The following YEATS2 variants were observed in gnomAD, a reference collection of about 807,000 sequenced individuals.
The protein encoded by YEATS2 is YEATS domain-containing protein 2.
Under a neutral mutation model 163.2 loss-of-function variants are expected in YEATS2, and 77 were observed. That is an observed-to-expected ratio of 0.47 (90% confidence interval 0.39 to 0.57). The LOEUF (loss-of-function observed/expected upper bound fraction) is 0.57, where lower values mean the gene tolerates loss of function less well. Ranked by LOEUF, YEATS2 falls within the 20% of genes least tolerant of loss-of-function variation. The pLI is 0.00. For synonymous variants in YEATS2, 631 were observed against 645.1 expected, an observed-to-expected ratio of 0.98 and a Z score of 0.33; for missense variants, 1,549 against 1,729.8, an observed-to-expected ratio of 0.90 and a Z score of 1.85.
chr3:183,793,716 G>A (rs1237873706), intron 21 of YEATS2, among the ~76,000 whole-genome samples: 1 of 147,596 alleles, frequency 6.8e-6, no homozygotes, highest in Non-Finnish European at 1.5e-5. Flanking sequence ...GAGTTCCAGC[G>A]ATTCTCCTGC....
chr3:183,804,286 G>T, intron 27 of YEATS2, 98 bp downstream of exon 27: 1 of 1,447,180 alleles, frequency 6.9e-7, no homozygotes, highest in Non-Finnish European at 9.4e-7. Flanking sequence ...TGTAGAGAAC[G>T]AGAGCCTTTC....
chr3:183,771,542 C>T (rs1442238523), intron 15 of YEATS2, among the ~76,000 whole-genome samples: 18 of 60,786 alleles, frequency 3.0e-4, no homozygotes, highest in African/African-American at 8.7e-4. Flanking sequence ...ATTATTCTTG[C>T]CTTTTTTTTT....
intron 8 of YEATS2, among the ~76,000 whole-genome samples, chr3:183,743,957 C>T (rs1357109481): frequency 6.6e-6 from 1 of 152,064 alleles, no homozygotes; most frequent in African/African-American, 2.4e-5. Context: ...TAACCTGCGG[C>T]TTAAGTTATT....
chr3:183,773,595 C>A, intron 16 of YEATS2, 38 bp from the exon 17 acceptor site: 1 of 1,549,778 alleles, frequency 6.5e-7, no homozygotes, highest in Admixed American at 2.1e-5. Context: ...CCCTTAGTTT[C>A]AATTTATCTT....
intron 20 of YEATS2, among the ~76,000 whole-genome samples, chr3:183,787,773 G>A (rs145829258): frequency 2.6e-4 from 40 of 152,068 alleles, no homozygotes; most frequent in African/African-American, 7.2e-4. Flanking sequence ...CGAGAAGGGC[G>A]GATCACGAGG....
intron 7 of YEATS2, among the ~76,000 whole-genome samples, chr3:183,734,498 A>G (rs978443184): frequency 7.2e-5 from 11 of 152,238 alleles, no homozygotes. Context: ...GTAGGAATGC[A>G]GTGTTTGCTG....
chr3:183,777,566 T>C lies in YEATS2; in HGVS notation c.2602T>C (p.Ser868Pro). 1 of 1,612,628 alleles carries C rather than the reference T, an allele frequency of 6.2e-7. No individual in the cohort carries two copies. Among genetic ancestry groups the C allele is most frequent in the East Asian group, 2.2e-5 (1 of 44,866 alleles). The change falls in exon 19 of 31, where the codon TCA becomes CCA. Residue 868 changes from serine (S) to proline (P), a missense_variant. By Grantham distance (74) the Ser-to-Pro change is moderately conservative (BLOSUM62 -1). Transcript: ENST00000305135. Reference protein sequence around the residue: ...PQGTFLVGQPSPQTSGKQLTT... With the variant: ...PQGTFLVGQPPPQTSGKQLTT... ...GGGCACATTTTTAGTTGGCCAGCCA[T>C]CACCCCAGACTTCTGGAAAACAACT...
intron 29 of YEATS2, 135 bp downstream of exon 29, chr3:183,808,239 CTT>C (rs1202965093): frequency 4.3e-6 from 3 of 698,792 alleles, no homozygotes; most frequent in East Asian, 3.0e-5. Context: ...TAAGTTCTCT[CTT>C]TTTGTTTTTT....
chr3:183,713,557 C>T (rs892110128), intron 1 of YEATS2, among the ~76,000 whole-genome samples: 1 of 152,080 alleles, frequency 6.6e-6, no homozygotes, highest in Non-Finnish European at 1.5e-5. Flanking sequence ...AGTGAGACTC[C>T]GTCTCAATCA....
intron 1 of YEATS2, among the ~76,000 whole-genome samples, chr3:183,700,169 A>G (rs1333210923): frequency 2.6e-5 from 4 of 152,188 alleles, no homozygotes. Context: ...AAAAATAGGT[A>G]GCTTGACATA....
At position 183,718,507 on chromosome 3, in the gene YEATS2, T is replaced by C; in HGVS notation, c.206T>C (p.Ile69Thr). The change falls in exon 4 of 31, where the codon ATT (isoleucine) becomes ACT (threonine). Residue 69 changes from isoleucine (I) to threonine (T), a missense_variant. Transcript: ENST00000305135. ...GTTAACATTTGTTTTTAGCGACTGA[T>C]TGAAGCAAGAAGGATGATGGATAAA... is the stretch of plus-strand genomic sequence containing the variant. The part of the protein sequence containing the change: ...HEIEVIDQRL[I>T]EARRMMDKLR... The C allele has an allele frequency of 6.2e-7, 1 of 1,611,696 alleles. No individual in the cohort carries two copies. The highest frequency in any genetic ancestry group is 8.5e-7 in the Non-Finnish European group (1 of 1,179,276).
chr3:183,772,236 C>G (rs537229322), intron 15 of YEATS2, 69 bp from the exon 16 acceptor site: 2 of 1,596,262 alleles, frequency 1.3e-6, no homozygotes, highest in East Asian at 2.2e-5. Context: ...GTTTTGCTCT[C>G]TGCCAAAACG....
chr3:183,714,694 T>C (rs905964633), intron 1 of YEATS2, among the ~76,000 whole-genome samples: 1 of 152,238 alleles, frequency 6.6e-6, no homozygotes, highest in African/African-American at 2.4e-5. Context: ...CCTTTAACTA[T>C]GTTGCTTATA....
At chr3:183,711,280 C>A (rs1176323492) in intron 1 of YEATS2, among the ~76,000 whole-genome samples, 1 of 151,752 alleles carries the variant, frequency 6.6e-6, no homozygotes, top group Non-Finnish European at 1.5e-5. Context: ...ACCATCCTGG[C>A]TAACACAGTA....
chr3:183,806,057 T>A (rs1453674916), intron 27 of YEATS2: 2 of 349,162 alleles, frequency 5.7e-6, no homozygotes, highest in East Asian at 1.5e-4. Flanking sequence ...CCTACAATGG[T>A]TTGACCTGTG....
intron 19 of YEATS2, among the ~76,000 whole-genome samples, chr3:183,783,359 A>G (rs1309690853): frequency 1.3e-5 from 2 of 152,216 alleles, no homozygotes; most frequent in Non-Finnish European, 2.9e-5. Flanking sequence ...ATTTCAGCAA[A>G]CTACAGCCAA....
intron 13 of YEATS2, among the ~76,000 whole-genome samples, chr3:183,761,094 T>G (rs896766961): frequency 1.3e-5 from 2 of 152,124 alleles, no homozygotes; most frequent in Non-Finnish European, 2.9e-5. Context: ...GGTTTTTTTC[T>G]TTCTTTTTTT....
intron 7 of YEATS2, among the ~76,000 whole-genome samples, chr3:183,730,554 A>G (rs954755128): frequency 2.4e-4 from 36 of 151,984 alleles, no homozygotes; most frequent in African/African-American, 8.4e-4. Context: ...GCCACATACC[A>G]CTGGGCCTGG....
In YEATS2 at chr3:183,804,078, A is replaced by G; in HGVS notation, c.3674A>G (p.His1225Arg). The G allele has an allele frequency of 1.9e-6, 3 of 1,614,128 alleles. No homozygotes were observed. Among genetic ancestry groups the G allele is most frequent in the Non-Finnish European group, 2.5e-6 (3 of 1,180,020 alleles). ...FHHLTPLKTK[H>R]IAHWCRCHGY... The stretch of plus-strand genomic sequence containing the variant: ...CACCTGACTCCCCTCAAAACCAAGC[A>G]CATCGCTCACTGGTGCCGCTGTCAT... The change falls in exon 27 of 31, where the codon CAC (histidine) becomes CGC (arginine). Residue 1225 changes from histidine to arginine, a missense_variant. By Grantham distance (29) the His-to-Arg change is conservative. Coordinates refer to ENST00000305135, the MANE Select transcript of YEATS2 (RefSeq NM_018023.5).
Sources: gnomAD v4.1 joint callset for allele counts (sites outside exome capture counted in the v4.1 genomes callset) on GRCh38, gnomAD v4.1.1 for gene constraint, MANE v1.5 for transcripts, NCBI Gene and HGNC (gene_info 2026-07-23, HGNC 2026-07-21) for gene names.